The following BACH2 variants were observed in gnomAD, a reference collection of about 807,000 sequenced individuals.
BACH2 encodes the protein transcription regulator protein BACH2.
Under a neutral mutation model 61.8 loss-of-function variants are expected in BACH2, and 5 were observed. The ratio of observed to expected loss-of-function variants is 0.08; its 90% confidence interval spans 0.04 to 0.17. The LOEUF is 0.17. Ranked by LOEUF, BACH2 falls within the 10% of genes least tolerant of loss-of-function variation. BACH2 has a pLI of 1.00. For synonymous variants in BACH2, 446 were observed against 440.1 expected (o/e 1.01, Z -0.17); for missense variants, 824 against 1,091.1 (o/e 0.76, Z 3.45).
At chr6:90,004,304 A>G (rs1189097591) in intron 6 of BACH2, among the ~76,000 whole-genome samples, 1 of 152,152 alleles carries the variant, frequency 6.6e-6, no homozygotes, top group African/African-American at 2.4e-5. Flanking sequence ...GTTGAGTGAG[A>G]GAGAGAAAGC....
chr6:90,186,818 T>C (rs946125490), intron 4 of BACH2, among the ~76,000 whole-genome samples: 3 of 152,260 alleles, frequency 2.0e-5, no homozygotes, highest in East Asian at 3.9e-4. Context: ...TTACAGATGA[T>C]AGGTTTAGGA....
At chr6:89,937,624 T>C (rs549933463) in intron 8 of BACH2, among the ~76,000 whole-genome samples, 3 of 152,262 alleles carry the variant, frequency 2.0e-5, no homozygotes, top group Non-Finnish European at 4.4e-5. Flanking sequence ...TCACTTCCCC[T>C]GCTCAAGTGA....
chr6:90,024,377 A>G lies in BACH2; in HGVS notation c.-12-15521T>C, dbSNP rs150570371. Among the ~76,000 whole-genome samples, 414 of 152,306 alleles carry G rather than the reference A, an allele frequency of 2.7e-3. 7 individuals are homozygous for G. The highest frequency in any genetic ancestry group is 9.3e-3 in the African/African-American group (387 of 41,570). ...TCCAAGTTGTACGTTTTCAGTAATAATCTACAAAAATGGGCCAAATACAGG... is the reference window on the plus strand; with the variant it reads ...TCCAAGTTGTACGTTTTCAGTAATAGTCTACAAAAATGGGCCAAATACAGG... On this transcript the variant is annotated intron_variant, in intron 5 of 8. Transcript: ENST00000257749.
intron 4 of BACH2, among the ~76,000 whole-genome samples, chr6:90,150,112 T>C (rs1414195070): frequency 6.6e-6 from 1 of 152,188 alleles, no homozygotes; most frequent in Non-Finnish European, 1.5e-5. Context: ...GGGGTTTGAT[T>C]AGCACCAGAG....
rs1254909443 is a variant in BACH2 at position 89,927,840 on chromosome 6, T to C, written c.*4568A>G. Reference sequence around the variant, plus strand: ...ATGCTCAATCTGCCACAATGAGACTTTTCTATGTACAAATGCTATTTGCAC... The same window carrying C: ...ATGCTCAATCTGCCACAATGAGACTCTTCTATGTACAAATGCTATTTGCAC... On this transcript the variant is annotated 3_prime_UTR_variant, in exon 9 of 9. Coordinates refer to ENST00000257749, the MANE Select transcript of BACH2 (RefSeq NM_021813.4). 6.5e-6 allele frequency: 1 copy of C among 152,776 alleles called. No homozygotes were observed. The highest frequency in any genetic ancestry group is 1.5e-5 in the Non-Finnish European group (1 of 68,034). 9.5% of individuals were successfully genotyped at this position (152,776 alleles called of 1,614,324 possible).
intron 7 of BACH2, among the ~76,000 whole-genome samples, chr6:89,947,138 T>G (rs535013564): frequency 1.3e-5 from 2 of 152,280 alleles, no homozygotes; most frequent in African/African-American, 4.8e-5. Flanking sequence ...GACTCTGGTG[T>G]CTCCGTGGGG....
chr6:90,291,197 GA>G (rs1327665835), intron 1 of BACH2, among the ~76,000 whole-genome samples: 1 of 152,196 alleles, frequency 6.6e-6, no homozygotes, highest in African/African-American at 2.4e-5. Flanking sequence ...GGAAGACTGA[GA>G]GGCATTTTGG....
chr6:89,939,661 T>A (rs996573230), intron 7 of BACH2, among the ~76,000 whole-genome samples: 1 of 40,188 alleles, frequency 2.5e-5, no homozygotes, highest in Non-Finnish European at 5.2e-5. Context: ...TATTTCTTTT[T>A]TTTTTTTTTT....
At chr6:90,080,354 T>G (rs1015002013) in intron 5 of BACH2, among the ~76,000 whole-genome samples, 1 of 152,094 alleles carries the variant, frequency 6.6e-6, no homozygotes, top group Non-Finnish European at 1.5e-5. Flanking sequence ...TTCTGTGCAT[T>G]TTTTCTTTCT....
At chr6:89,999,947 T>C (rs182074177) in intron 6 of BACH2, among the ~76,000 whole-genome samples, 56 of 152,330 alleles carry the variant, frequency 3.7e-4, no homozygotes, top group African/African-American at 1.2e-3. Context: ...TCACTTAAAA[T>C]GATTTTTAGA....
chr6:90,291,400 A>C (rs1199288683), intron 1 of BACH2, among the ~76,000 whole-genome samples: 1 of 152,148 alleles, frequency 6.6e-6, no homozygotes, highest in Non-Finnish European at 1.5e-5. Flanking sequence ...CTTGGAAAAG[A>C]CATAGTGGTA....
chr6:90,183,903 GA>G (rs1318163449), intron 4 of BACH2, among the ~76,000 whole-genome samples: 1 of 152,176 alleles, frequency 6.6e-6, no homozygotes, highest in Non-Finnish European at 1.5e-5. Context: ...GTCTACCAAG[GA>G]ACTAAATTCA....
chr6:89,959,088 T>C (rs1774587763), intron 6 of BACH2, among the ~76,000 whole-genome samples: 2 of 137,182 alleles, frequency 1.5e-5, no homozygotes, highest in African/African-American at 5.5e-5. Flanking sequence ...AACACATGCA[T>C]GCACAAGTGC....
chr6:90,062,337 G>T (rs937955313), intron 5 of BACH2, among the ~76,000 whole-genome samples: 3 of 152,162 alleles, frequency 2.0e-5, no homozygotes, highest in Admixed American at 2.0e-4. Flanking sequence ...AGAAGCTAAA[G>T]AATATATCTG....
intron 4 of BACH2, among the ~76,000 whole-genome samples, chr6:90,112,648 C>A (rs2127816593): frequency 6.6e-6 from 1 of 152,284 alleles, no homozygotes; most frequent in African/African-American, 2.4e-5. Context: ...AATACAAAAA[C>A]ACACTTAAAC....
chr6:90,019,564 G>T (rs1050179049), intron 5 of BACH2, among the ~76,000 whole-genome samples: 1 of 152,076 alleles, frequency 6.6e-6, no homozygotes, highest in Non-Finnish European at 1.5e-5. Context: ...GTCTATAAAA[G>T]AAATATACCT....
intron 2 of BACH2, among the ~76,000 whole-genome samples, chr6:90,270,578 T>C (rs1282498748): frequency 6.6e-6 from 1 of 152,128 alleles, no homozygotes; most frequent in Non-Finnish European, 1.5e-5. Flanking sequence ...AAATAATCGA[T>C]GGCACAAACA....
At chr6:89,947,050 G>A (rs192370766) in intron 7 of BACH2, among the ~76,000 whole-genome samples, 2 of 152,248 alleles carry the variant, frequency 1.3e-5, no homozygotes, top group Admixed American at 1.3e-4. Flanking sequence ...ACGGGGTGGA[G>A]GAAGACAGAT....
chr6:89,933,992 A>G (rs1298952849), intron 8 of BACH2, among the ~76,000 whole-genome samples: 1 of 99,166 alleles, frequency 1.0e-5, no homozygotes, highest in Non-Finnish European at 2.5e-5. Flanking sequence ...TCCCCGCACC[A>G]AAAAAAAGTT....
Sources: allele counts gnomAD v4.1 joint callset (sites outside exome capture counted in the v4.1 genomes callset), GRCh38; gene constraint gnomAD v4.1.1; transcripts MANE v1.5; gene names NCBI Gene and HGNC (gene_info 2026-07-23, HGNC 2026-07-21).